MMP21: variants seen among roughly 807,000 people sequenced by gnomAD.
MMP21 encodes the protein matrix metallopeptidase 21.
MMP21 carries 40 observed loss-of-function variants against 47.8 expected under a neutral mutation model. The observed-to-expected ratio is 0.84, with a 90% CI of 0.65 to 1.09. MMP21 has a LOEUF of 1.09. MMP21 is among the 50% of genes least tolerant of loss of function. MMP21 has a pLI of 0.00. For missense variants in MMP21, 747 were observed against 775.3 expected (o/e 0.96, Z 0.43); for synonymous variants, 341 against 318.0 (o/e 1.07, Z -0.77).
In MMP21 at chr10:125,772,762, G is replaced by A. The variant is rs965876224; in HGVS notation, c.698-12C>T. On this transcript the variant is annotated splice_polypyrimidine_tract_variant and intron_variant, in intron 2 of 6. Coordinates refer to ENST00000368808, the MANE Select transcript of MMP21 (RefSeq NM_147191.1). The surrounding 1 kb of genome is among the most constrained non-coding windows in gnomAD (Gnocchi z 5.6). ...GCCCAGGTGCCGGCCTGGCGAGGGGGAGGAGGAGTTGGTCCCGGTGAAGGA... is the reference window on the plus strand; with the variant it reads ...GCCCAGGTGCCGGCCTGGCGAGGGGAAGGAGGAGTTGGTCCCGGTGAAGGA... 2 of 1,610,832 alleles carry A rather than the reference G, an allele frequency of 1.2e-6. No homozygotes were observed. The highest frequency in any genetic ancestry group is 1.7e-6 in the Non-Finnish European group (2 of 1,178,376).
intron 5 of MMP21, 26 bp downstream of exon 5, chr10:125,770,308 T>G: frequency 6.2e-7 from 1 of 1,612,370 alleles, no homozygotes; most frequent in Non-Finnish European, 8.5e-7. Context: ...ATGAGAGAAA[T>G]AGAACCATCC....
chr10:125,774,545 T>G (rs1373616087), intron 1 of MMP21, among the ~76,000 whole-genome samples, 180 bp from the exon 2 acceptor site: 10 of 151,568 alleles, frequency 6.6e-5, no homozygotes, highest in Non-Finnish European at 8.8e-5. Context: ...CAGAGAGAGA[T>G]AGAGATACAG....
chr10:125,774,700 G>A (rs1039371487), intron 1 of MMP21, among the ~76,000 whole-genome samples: 2 of 152,214 alleles, frequency 1.3e-5, no homozygotes, highest in East Asian at 3.9e-4. Context: ...GGAGACCTGG[G>A]CAGCGGGGTG....
intron 5 of MMP21, among the ~76,000 whole-genome samples, chr10:125,768,388 C>A (rs147951996): frequency 6.6e-6 from 1 of 152,298 alleles, no homozygotes; most frequent in Non-Finnish European, 1.5e-5. Flanking sequence ...AACTTTGCTC[C>A]ATTTTGTTTC....
chr10:125,771,363 G>A (rs540818976), intron 4 of MMP21, among the ~76,000 whole-genome samples: 59 of 152,176 alleles, frequency 3.9e-4, no homozygotes, highest in African/African-American at 1.3e-3. Flanking sequence ...GCTGAGAATG[G>A]GGGGATGTGA....
At chr10:125,775,600 T>C (rs1850507851) in intron 1 of MMP21, 60 bp downstream of exon 1, 1 of 1,510,206 alleles carries the variant, frequency 6.6e-7, no homozygotes, top group African/African-American at 1.4e-5. Context: ...CGCGTGCGCA[T>C]GTGCCTGTGT....
Position 125,772,050 on chromosome 10 carries a change from G to A in MMP21, c.979+168C>T, listed in dbSNP as rs1181952746. ...GACTGGGCAAAACCACTTTTTAACT[G>A]AGAGAATGGCATCAGGGAGCTAGAG... On this transcript the variant is annotated intron_variant, in intron 4 of 6. Transcript: ENST00000368808. The surrounding 1 kb of genome is among the most constrained non-coding windows in gnomAD (Gnocchi z 5.6). Among the ~76,000 whole-genome samples, 1 of 152,170 alleles carries A rather than the reference G, an allele frequency of 6.6e-6. No individual in the cohort carries two copies. Among genetic ancestry groups the A allele is most frequent in the African/African-American group, 2.4e-5 (1 of 41,430 alleles).
chr10:125,770,554 C>T lies in MMP21; in HGVS notation c.1017G>A (p.Trp339Ter). ...CATATTGGTTTCTCTCTTTGCGAATCCAGTCAAACGCAGTATCAAATGATC... is the reference window on the plus strand; with the variant it reads ...CATATTGGTTTCTCTCTTTGCGAATTCAGTCAAACGCAGTATCAAATGATC... Reference protein sequence around the residue: ...CEGSFDTAFDWIRKERNQYGE... With the variant: ...CEGSFDTAFD The change falls in exon 5 of 7, where the codon TGG becomes TGA. Residue 339 changes from tryptophan (W) to a stop codon, truncating the protein, a stop_gained. Transcript: ENST00000368808. LOFTEE classifies it high-confidence loss of function. 1.2e-6 allele frequency: 2 copies of T among 1,614,104 alleles called. No individual in the cohort carries two copies. Among genetic ancestry groups the T allele is most frequent in the Non-Finnish European group, 1.7e-6 (2 of 1,180,024 alleles).
intron 1 of MMP21, among the ~76,000 whole-genome samples, chr10:125,774,792 G>A (rs1850497869): frequency 6.6e-6 from 1 of 152,178 alleles, no homozygotes; most frequent in African/African-American, 2.4e-5. Context: ...CGCAGGGCAG[G>A]TCGTGCGGGG....
chr10:125,774,463 G>T (rs1850493941), intron 1 of MMP21, 98 bp from the exon 2 acceptor site: 1 of 742,536 alleles, frequency 1.3e-6, no homozygotes, highest in Non-Finnish European at 1.9e-6. Flanking sequence ...CATGGGGATA[G>T]AGACAGAGAC....
Position 125,766,900 on chromosome 10 carries a change from T to A in MMP21, c.1472A>T (p.Glu491Val), listed in dbSNP as rs369781664. ...TTGTGGTATTACTGCTGGAAAAACTTCAGTAATCCTCTTTGGATAAGAATT... is the reference window on the plus strand; with the variant it reads ...TTGTGGTATTACTGCTGGAAAAACTACAGTAATCCTCTTTGGATAAGAATT... ...VLNSYPKRIT[E>V]VFPAVIPQNH... is the part of the protein sequence containing the mutation. The change falls in exon 7 of 7, where the codon GAA becomes GTA. Residue 491 changes from glutamate to valine, a missense_variant. By Grantham distance (121) the Glu-to-Val change is moderately radical. Transcript: ENST00000368808. The A allele has an allele frequency of 6.2e-7, 1 of 1,612,226 alleles. No individual in the cohort carries two copies. The highest frequency in any genetic ancestry group is 8.5e-7 in the Non-Finnish European group (1 of 1,179,474).
At chr10:125,775,630 G>T (rs994620448) in intron 1 of MMP21, 30 bp downstream of exon 1, 1 of 1,580,180 alleles carries the variant, frequency 6.3e-7, no homozygotes. Flanking sequence ...CGGGCCTGGG[G>T]GTATTGCTGT....
chr10:125,771,824 A>G (rs1347741151), intron 4 of MMP21, among the ~76,000 whole-genome samples: 1 of 152,152 alleles, frequency 6.6e-6, no homozygotes, highest in Non-Finnish European at 1.5e-5. Context: ...GATTCTAAAT[A>G]GAGATTGGAG....
chr10:125,768,676 T>C (rs537129429), intron 5 of MMP21, among the ~76,000 whole-genome samples: 6 of 152,358 alleles, frequency 3.9e-5, no homozygotes, highest in East Asian at 1.9e-4. Flanking sequence ...TCCAAAATAT[T>C]CATAGCAAAT....
At chr10:125,771,927 G>C (rs573192078) in intron 4 of MMP21, among the ~76,000 whole-genome samples, 1 of 151,942 alleles carries the variant, frequency 6.6e-6, no homozygotes, top group Non-Finnish European at 1.5e-5. Flanking sequence ...GCCACAGCAC[G>C]GGTTGGGGGC....
At chr10:125,770,912 A>G (rs1228103309) in intron 4 of MMP21, among the ~76,000 whole-genome samples, 1 of 151,578 alleles carries the variant, frequency 6.6e-6, no homozygotes, top group Non-Finnish European at 1.5e-5. Context: ...GTCCCTTGGC[A>G]CAGGTTACTT....
At chr10:125,771,017 G>A (rs1362181698) in intron 4 of MMP21, among the ~76,000 whole-genome samples, 2 of 151,950 alleles carry the variant, frequency 1.3e-5, no homozygotes, top group Non-Finnish European at 2.9e-5. Context: ...GCGATAGAGT[G>A]AGACCCTATC....
rs1179368872 is a variant in MMP21 at position 125,772,524 on chromosome 10, A to G, written c.837+87T>C. On this transcript the variant is annotated intron_variant, in intron 3 of 6. Transcript: ENST00000368808. The surrounding 1 kb of genome is among the most constrained non-coding windows in gnomAD (Gnocchi z 5.6). ...ATTCACCTCCTCAGAGGTTGCGGAC[A>G]CTACATGAGAAAAGCTTGGACTTTT... 6.3e-7 allele frequency: 1 copy of G among 1,596,918 alleles called. No homozygotes were observed. Among genetic ancestry groups the G allele is most frequent in the Non-Finnish European group, 8.6e-7 (1 of 1,166,102 alleles).
At chr10:125,775,508 G>A in intron 1 of MMP21, 152 bp downstream of exon 1, 2 of 927,402 alleles carry the variant, frequency 2.2e-6, no homozygotes, top group Non-Finnish European at 3.1e-6. Context: ...AGGAGCCACA[G>A]GAGCCACTCC....
Sources: gnomAD v4.1 joint callset for allele counts (sites outside exome capture counted in the v4.1 genomes callset) on GRCh38, gnomAD v4.1.1 for gene constraint, Gnocchi (gnomAD v3.1) non-coding constraint, MANE v1.5 for transcripts, NCBI Gene and HGNC (gene_info 2026-07-23, HGNC 2026-07-21) for gene names.